The following SCOC variants were observed in gnomAD, a reference collection of about 807,000 sequenced individuals.
The protein encoded by SCOC is short coiled-coil protein.
Under a neutral mutation model 9.9 loss-of-function variants are expected in SCOC, and 7 were observed. The observed-to-expected ratio is 0.71, with a 90% CI of 0.40 to 1.33. SCOC has a LOEUF of 1.33. SCOC is among the 40% of genes most tolerant of loss of function. SCOC has a pLI of 0.01. For synonymous variants in SCOC, 19 were observed against 28.2 expected (o/e 0.67, Z 1.03); for missense variants, 66 against 89.7 (o/e 0.74, Z 1.07).
intron 2 of SCOC, 149 bp downstream of exon 2, chr4:140,379,341 C>T (rs1728474932): frequency 4.2e-6 from 3 of 710,596 alleles, no homozygotes; most frequent in Admixed American, 2.5e-5. Context: ...TAGAAAGGAC[C>T]AACCAAAGCA....
chr4:140,314,493 T>TGGGTTGA (rs1257388548), intron 1 of SCOC: 5 of 152,644 alleles, frequency 3.3e-5, no homozygotes, highest in African/African-American at 7.2e-5. Flanking sequence ...CGTATTCAGC[T>TGGGTTGA]GGGTTGAGGG....
rs1337575913 is a variant in SCOC at position 140,384,720 on chromosome 4, A to G, written c.*3616A>G. ...GTGTCAGAATGGTTTTTCCTTTAATACTTCCTAGTTTACATGCTGGTAGAA... is the reference window on the plus strand; with the variant it reads ...GTGTCAGAATGGTTTTTCCTTTAATGCTTCCTAGTTTACATGCTGGTAGAA... On this transcript the variant is annotated 3_prime_UTR_variant, in exon 4 of 4. Coordinates refer to ENST00000608372, the MANE Select transcript of SCOC (RefSeq NM_001153484.2). 6.6e-6 allele frequency: 1 copy of G among 152,124 alleles called. No homozygotes were observed. Among genetic ancestry groups the G allele is most frequent in the African/African-American group, 2.4e-5 (1 of 41,422 alleles). The allele number at this position is 152,124 out of a possible 1,614,324, so 9.4% of individuals were successfully genotyped here. A position where few individuals can be genotyped will look rare whatever the true frequency, so the allele number is the denominator to read the frequency against.
At chr4:140,338,539 T>C, upstream of SCOC, among the ~76,000 whole-genome samples, 1 of 152,184 alleles carries the variant, frequency 6.6e-6, no homozygotes. Context: ...TGATTGTATA[T>C]TTAGAAAACC....
At chr4:140,269,409 A>G (rs1730794812) in intron 1 of SCOC, among the ~76,000 whole-genome samples, 1 of 152,136 alleles carries the variant, frequency 6.6e-6, no homozygotes, top group Non-Finnish European at 1.5e-5. Flanking sequence ...CGTGTAAGGC[A>G]TCTGACTACG....
intron 2 of SCOC, among the ~76,000 whole-genome samples, chr4:140,346,798 G>A (rs1726760214): frequency 6.6e-6 from 1 of 152,050 alleles, no homozygotes; most frequent in South Asian, 2.1e-4. Flanking sequence ...CTAACCACAT[G>A]GCTCCCAAAC....
At chr4:140,312,636 G>A (rs1345865080) in intron 1 of SCOC, among the ~76,000 whole-genome samples, 1 of 152,104 alleles carries the variant, frequency 6.6e-6, no homozygotes, top group East Asian at 1.9e-4. Context: ...TTGGCATGTT[G>A]CACAAGCTGG....
chr4:140,267,942 A>G (rs1730766654), intron 1 of SCOC, among the ~76,000 whole-genome samples: 1 of 152,160 alleles, frequency 6.6e-6, no homozygotes, highest in African/African-American at 2.4e-5. Context: ...CCTAGAAGAG[A>G]GCTGCTAAGG....
chr4:140,361,428 C>T (rs1401675593), intron 2 of SCOC, among the ~76,000 whole-genome samples: 1 of 152,108 alleles, frequency 6.6e-6, no homozygotes, highest in South Asian at 2.1e-4. Flanking sequence ...TTTTGGAAGG[C>T]CAGGGTGGGA....
intron 2 of SCOC, among the ~76,000 whole-genome samples, chr4:140,344,836 C>G (rs751830105): frequency 6.6e-6 from 1 of 152,154 alleles, no homozygotes; most frequent in African/African-American, 2.4e-5. Context: ...GCATGGGGAG[C>G]CCTATATGCT....
At chr4:140,348,453 T>C (rs1258705335) in intron 2 of SCOC, among the ~76,000 whole-genome samples, 6 of 152,134 alleles carry the variant, frequency 3.9e-5, no homozygotes, top group Admixed American at 1.3e-4. Context: ...GGTTCATCCA[T>C]GTTGTTACAA....
At chr4:140,298,121 T>C (rs1731705183) in intron 1 of SCOC, among the ~76,000 whole-genome samples, 1 of 152,180 alleles carries the variant, frequency 6.6e-6, no homozygotes, top group Non-Finnish European at 1.5e-5. Context: ...CTCGGGATCG[T>C]TCGCCATCCA....
At chr4:140,380,804 A>G (rs1308875851) in intron 3 of SCOC, among the ~76,000 whole-genome samples, 158 bp from the exon 4 acceptor site, 1 of 152,154 alleles carries the variant, frequency 6.6e-6, no homozygotes, top group Non-Finnish European at 1.5e-5. Context: ...TTTGTCTACT[A>G]ATTTGTACTC....
At chr4:140,337,158 T>C (rs1732980603) in intron 1 of SCOC, among the ~76,000 whole-genome samples, 1 of 152,212 alleles carries the variant, frequency 6.6e-6, no homozygotes, top group Non-Finnish European at 1.5e-5. Context: ...AGATATGTGA[T>C]TTGCAAATAT....
At chr4:140,340,461 T>A (rs1578827806), upstream of SCOC, among the ~76,000 whole-genome samples, 1 of 151,038 alleles carries the variant, frequency 6.6e-6, no homozygotes, top group African/African-American at 2.4e-5. Context: ...ACTTAAAGTA[T>A]AATAAAAAAA....
intron 1 of SCOC, among the ~76,000 whole-genome samples, chr4:140,337,618 T>C (rs1264930157): frequency 1.3e-5 from 2 of 152,106 alleles, no homozygotes; most frequent in East Asian, 3.9e-4. Context: ...ATAAAGGGGA[T>C]ATCACCACCG....
At chr4:140,293,539 G>A in intron 1 of SCOC, 1 of 380,674 alleles carries the variant, frequency 2.6e-6, no homozygotes, top group South Asian at 2.0e-5. Flanking sequence ...AGGAAGGATT[G>A]CAATGGACCA....
chr4:140,381,230 T>C lies in SCOC; in HGVS notation c.*126T>C. 2 of 886,854 alleles carry C rather than the reference T, an allele frequency of 2.3e-6. No homozygotes were observed. The highest frequency in any genetic ancestry group is 3.0e-5 in the East Asian group (1 of 33,824). 54.9% of individuals were successfully genotyped at this position (886,854 alleles called of 1,614,324 possible). A position where few individuals can be genotyped will look rare whatever the true frequency, so the allele number is the denominator to read the frequency against. On this transcript the variant is annotated 3_prime_UTR_variant, in exon 4 of 4. Coordinates refer to ENST00000608372, the MANE Select transcript of SCOC (RefSeq NM_001153484.2). ...ATATTTATGAAGATAATGTCAGATG[T>C]AGACAAAAATAACACAATAACAGGA...
chr4:140,311,210 T>C (rs1292935698), intron 1 of SCOC, among the ~76,000 whole-genome samples: 1 of 152,212 alleles, frequency 6.6e-6, no homozygotes, highest in African/African-American at 2.4e-5. Context: ...CACTCTAGCC[T>C]GGGCAACAGA....
chr4:140,304,621 T>A (rs1295588858), intron 1 of SCOC, among the ~76,000 whole-genome samples: 6 of 152,136 alleles, frequency 3.9e-5, no homozygotes, highest in African/African-American at 1.4e-4. Flanking sequence ...CATATACCAG[T>A]ACCCAGCGAG....
Sources: gnomAD v4.1 joint callset for allele counts (sites outside exome capture counted in the v4.1 genomes callset) on GRCh38, gnomAD v4.1.1 for gene constraint, MANE v1.5 for transcripts, NCBI Gene and HGNC (gene_info 2026-07-23, HGNC 2026-07-21) for gene names.